The following TCF12 variants were observed in gnomAD, a reference collection of about 807,000 sequenced individuals.
The protein encoded by TCF12 is DNA-binding protein HTF4.
A neutral mutation model predicts 86.0 loss-of-function variants in TCF12; 45 were observed. The observed-to-expected ratio is 0.52, with a 90% CI of 0.41 to 0.67. The LOEUF (loss-of-function observed/expected upper bound fraction) is 0.67, where lower values mean the gene tolerates loss of function less well. Among genes scored for constraint, TCF12 ranks in the 30% least tolerant of loss-of-function variants. The pLI is 0.00. For synonymous variants in TCF12, 330 were observed against 299.6 expected (o/e 1.10, Z -1.05); for missense variants, 881 against 859.9 (o/e 1.02, Z -0.31).
At chr15:57,098,834 C>T (rs1054889781) in intron 5 of TCF12, among the ~76,000 whole-genome samples, 1 of 152,098 alleles carries the variant, frequency 6.6e-6, no homozygotes, top group Non-Finnish European at 1.5e-5. Flanking sequence ...GCATGGGGGA[C>T]CTAGGGGTTT....
rs60825721 is a variant in TCF12 at position 57,007,852 on chromosome 15, CCCTTCCTTCCTTCCTTCCTTCCTTCCTT to C, written c.149-55862_149-55835del. Among the ~76,000 whole-genome samples the C allele has an allele frequency of 6.4e-3, 653 of 101,246 alleles. 3 individuals carry two copies. The highest frequency in any genetic ancestry group is 0.014 in the Middle Eastern group (3 of 212). 66.4% of individuals were successfully genotyped at this position (101,246 alleles called of 152,430 possible). A position where few individuals can be genotyped will look rare whatever the true frequency, so the allele number is the denominator to read the frequency against. ...TCTTTCTTTCTTTCTCTCTTTCCCT[CCCTTCCTTCCTTCCTTCCTTCCTTCCTT>C]CCTTCCTTCCTTCCTTCCTTCCTTC... On this transcript the variant is annotated intron_variant, in intron 3 of 20. Transcript: ENST00000333725.
At chr15:57,188,232 A>G (rs1349974796) in intron 6 of TCF12, among the ~76,000 whole-genome samples, 1 of 151,928 alleles carries the variant, frequency 6.6e-6, no homozygotes, top group Non-Finnish European at 1.5e-5. Context: ...TTTTTTTTTC[A>G]TTTCCCTTGA....
At chr15:56,959,408 C>A (rs1595860862) in intron 3 of TCF12, among the ~76,000 whole-genome samples, 2 of 152,144 alleles carry the variant, frequency 1.3e-5, no homozygotes, top group African/African-American at 2.4e-5. Context: ...AATGGCAAAG[C>A]TGAGCAACCT....
At position 57,232,327 on chromosome 15, in the gene TCF12, C is replaced by G. The variant is rs398122381; in HGVS notation, c.722C>G (p.Ser241Ter). 6.2e-7 allele frequency: 1 copy of G among 1,613,960 alleles called. No homozygotes were observed. The highest frequency in any genetic ancestry group is 1.7e-5 in the Admixed American group (1 of 60,016). The change falls in exon 10 of 21, where the codon TCA becomes TGA. Residue 241 changes from serine (S) to a stop codon, truncating the protein, a stop_gained. Coordinates refer to ENST00000333725, the MANE Select transcript of TCF12 (RefSeq NM_207037.2). LOFTEE classifies it high-confidence loss of function. ...AATTCTTCTGACCTTTGGAGTTCAT[C>G]AAATGGGATGAGCCAGCCTGGTTTT... The part of the protein sequence containing the change: ...THNSSDLWSS[S>*]NGMSQPGFGG...
At chr15:57,063,476 T>C (rs191514447) in intron 3 of TCF12, among the ~76,000 whole-genome samples, 1 of 152,282 alleles carries the variant, frequency 6.6e-6, no homozygotes, top group East Asian at 1.9e-4. Context: ...TGGTGCTGGA[T>C]GGAGAGACTA....
chr15:56,988,906 T>C (rs1359130595), intron 3 of TCF12, among the ~76,000 whole-genome samples: 1 of 152,190 alleles, frequency 6.6e-6, no homozygotes, highest in Non-Finnish European at 1.5e-5. Context: ...CTGTATCATA[T>C]AACTCAATAG....
In TCF12 at chr15:57,274,207, C is replaced by T. The variant is rs2152103105; in HGVS notation, c.1978+945C>T. ...AATAGGGTGGGCAGATGCTTGAAAA[C>T]TACAGCCATGGAGCCTCAGCATTAG... On this transcript the variant is annotated intron_variant, in intron 19 of 20. Coordinates refer to ENST00000333725, the MANE Select transcript of TCF12 (RefSeq NM_207037.2). Among the ~76,000 whole-genome samples, 3 of 123,746 alleles carry T rather than the reference C, an allele frequency of 2.4e-5. 1 individual carries two copies. The South Asian group carries it at 9.6e-4, about 39-fold the overall frequency. The allele number at this position is 123,746 out of a possible 152,430, so 81.2% of individuals were successfully genotyped here.
intron 8 of TCF12, among the ~76,000 whole-genome samples, chr15:57,220,778 A>G (rs2058555101): frequency 6.6e-6 from 1 of 152,142 alleles, no homozygotes; most frequent in Non-Finnish European, 1.5e-5. Flanking sequence ...TAAAAGGTAC[A>G]CTAATGAATA....
chr15:56,998,429 C>G (rs1424119109), intron 3 of TCF12, among the ~76,000 whole-genome samples: 1 of 146,600 alleles, frequency 6.8e-6, no homozygotes, highest in Non-Finnish European at 1.5e-5. Flanking sequence ...TGCACTCCAG[C>G]CTTGGTGACA....
chr15:57,072,543 A>G (rs1281107949), intron 4 of TCF12: 18 of 562,940 alleles, frequency 3.2e-5, no homozygotes, highest in Middle Eastern at 5.0e-4. Context: ...TATTGTTTTT[A>G]TTTTTGAAGG....
chr15:57,119,637 A>G (rs2051090005), intron 5 of TCF12, among the ~76,000 whole-genome samples: 3 of 151,922 alleles, frequency 2.0e-5, no homozygotes, highest in African/African-American at 7.3e-5. Context: ...ACTTTATTCA[A>G]CAGCCCTCAC....
chr15:57,163,050 T>C (rs2054607216), intron 5 of TCF12, among the ~76,000 whole-genome samples: 1 of 152,076 alleles, frequency 6.6e-6, no homozygotes, highest in Non-Finnish European at 1.5e-5. Context: ...GGCACGCCCC[T>C]GTAGTCCCAG....
chr15:57,092,526 T>C (rs543333007), intron 5 of TCF12, among the ~76,000 whole-genome samples: 1 of 152,296 alleles, frequency 6.6e-6, no homozygotes, highest in African/African-American at 2.4e-5. Context: ...TCCTTTCTCC[T>C]TCTCTGTCTC....
intron 13 of TCF12, among the ~76,000 whole-genome samples, chr15:57,244,626 AT>A (rs1417709921): frequency 6.6e-6 from 1 of 151,916 alleles, no homozygotes; most frequent in Non-Finnish European, 1.5e-5. Flanking sequence ...CACCCGGCTA[AT>A]TTTTGTATTT....
At chr15:56,949,214 A>G (rs1410148373) in intron 3 of TCF12, among the ~76,000 whole-genome samples, 2 of 152,204 alleles carry the variant, frequency 1.3e-5, no homozygotes, top group Admixed American at 1.3e-4. Flanking sequence ...AATTAAGCAC[A>G]ATTTGTATAT....
chr15:56,942,359 A>G (rs1165913817), intron 3 of TCF12, among the ~76,000 whole-genome samples: 1 of 152,230 alleles, frequency 6.6e-6, no homozygotes, highest in African/African-American at 2.4e-5. Flanking sequence ...GTTAACATTT[A>G]ATAATAATCT....
At chr15:57,135,961 CTAAAAAAAA>C in intron 5 of TCF12, among the ~76,000 whole-genome samples, 1 of 149,438 alleles carries the variant, frequency 6.7e-6, no homozygotes, top group African/African-American at 2.5e-5. Context: ...GCTTGTAATG[CTAAAAAAAA>C]CTAGCTGACT....
chr15:57,223,668 T>TTTTTTTTTTTTTA (rs2058731384), intron 8 of TCF12, among the ~76,000 whole-genome samples: 1 of 139,184 alleles, frequency 7.2e-6, no homozygotes, highest in South Asian at 2.3e-4. Flanking sequence ...TTTTTTTTTT[T>TTTTTTTTTTTTTA]TTTAGAAATA....
intron 18 of TCF12, among the ~76,000 whole-genome samples, chr15:57,270,322 G>A (rs774263177): frequency 3.3e-5 from 5 of 152,082 alleles, no homozygotes; most frequent in Non-Finnish European, 7.4e-5. Context: ...TTCAATCACT[G>A]ATATCCTTTC....
Sources: allele counts gnomAD v4.1 joint callset (sites outside exome capture counted in the v4.1 genomes callset), GRCh38; gene constraint gnomAD v4.1.1; transcripts MANE v1.5; gene names NCBI Gene and HGNC (gene_info 2026-07-23, HGNC 2026-07-21).